Variants in ADGRG7 observed in about 807,000 individuals in gnomAD.
ADGRG7 encodes the protein G-protein coupled receptor 128.
Under a neutral mutation model 88.6 loss-of-function variants are expected in ADGRG7, and 82 were observed. The observed-to-expected ratio is 0.93, with a 90% CI of 0.77 to 1.11. ADGRG7 has a LOEUF of 1.11. ADGRG7 is among the 50% of genes most tolerant of loss of function. The probability of loss-of-function intolerance (pLI) is 0.00; values close to 1 mark genes in which losing one functional copy is unlikely to be tolerated. For synonymous variants in ADGRG7, 381 were observed against 345.2 expected, an observed-to-expected ratio of 1.10 and a Z score of -1.15; for missense variants, 945 against 953.4, an observed-to-expected ratio of 0.99 and a Z score of 0.12.
At chr3:100,667,522 C>T (rs1446477014) in intron 14 of ADGRG7, among the ~76,000 whole-genome samples, 1 of 152,210 alleles carries the variant, frequency 6.6e-6, no homozygotes, top group Admixed American at 6.5e-5. Context: ...TTTTTTATGG[C>T]TGCATAGTAT....
At chr3:100,618,488 T>G (rs1254438497) in intron 1 of ADGRG7, among the ~76,000 whole-genome samples, 2 of 152,208 alleles carry the variant, frequency 1.3e-5, no homozygotes, top group Non-Finnish European at 2.9e-5. Flanking sequence ...TTTTCCCATT[T>G]CTTGTTTTTG....
rs531816069 is a variant in ADGRG7 at position 100,615,539 on chromosome 3, T to A, written c.115+5568T>A. Among the ~76,000 whole-genome samples the A allele has an allele frequency of 3.3e-5, 5 of 152,318 alleles. No individual in the cohort carries two copies. In the South Asian group the frequency reaches 1.0e-3, roughly 32 times the overall value. On this transcript the variant is annotated intron_variant, in intron 1 of 15. Transcript: ENST00000273352. ...TGTGTGTTGGGTACCTTCTATTCAA[T>A]GGCATTGTGCTAGGATTTGAAGATA... is the stretch of plus-strand genomic sequence containing the variant.
intron 5 of ADGRG7, among the ~76,000 whole-genome samples, chr3:100,636,154 A>AG (rs200607691): frequency 0.019 from 2,919 of 152,256 alleles, 42 homozygotes; most frequent in Non-Finnish European, 0.032. Context: ...TTCTGGATTC[A>AG]GGGGTTCAAG....
chr3:100,650,208 GT>G (rs2094926980), intron 11 of ADGRG7, among the ~76,000 whole-genome samples: 1 of 152,032 alleles, frequency 6.6e-6, no homozygotes, highest in African/African-American at 2.4e-5. Context: ...ATGGTGAAAC[GT>G]TTTTCAAAAA....
chr3:100,620,180 T>A (rs1707288112), intron 1 of ADGRG7, among the ~76,000 whole-genome samples: 1 of 152,120 alleles, frequency 6.6e-6, no homozygotes, highest in African/African-American at 2.4e-5. Flanking sequence ...GCAAACCGAA[T>A]CCAGCAGCAC....
chr3:100,655,868 C>A (rs1455138810), intron 12 of ADGRG7, 31 bp from the exon 13 acceptor site: 4 of 1,207,514 alleles, frequency 3.3e-6, no homozygotes, highest in South Asian at 1.3e-5. Context: ...CTGGATAAAT[C>A]ATTAATTATG....
At chr3:100,623,772 C>T (rs1707345030) in intron 1 of ADGRG7, among the ~76,000 whole-genome samples, 1 of 152,032 alleles carries the variant, frequency 6.6e-6, no homozygotes, top group Non-Finnish European at 1.5e-5. Flanking sequence ...CATTGTTCAA[C>T]TTCCACATAT....
At chr3:100,631,028 T>A (rs935683596) in intron 3 of ADGRG7, among the ~76,000 whole-genome samples, 1 of 152,172 alleles carries the variant, frequency 6.6e-6, no homozygotes, top group Admixed American at 6.6e-5. Flanking sequence ...TGTTTGTGAA[T>A]TTCTCTGAAT....
At chr3:100,653,788 T>C (rs541492838) in intron 11 of ADGRG7, among the ~76,000 whole-genome samples, 4 of 151,872 alleles carry the variant, frequency 2.6e-5, no homozygotes, top group African/African-American at 4.8e-5. Context: ...AGGACTTTCA[T>C]GCAATTTTTT....
chr3:100,691,018 C>G (rs551148751), intron 15 of ADGRG7, among the ~76,000 whole-genome samples: 1 of 152,222 alleles, frequency 6.6e-6, no homozygotes, highest in African/African-American at 2.4e-5. Context: ...CCACCTAGTT[C>G]GAGCTTCCCG....
In ADGRG7 at chr3:100,643,333, G is replaced by A. The variant is rs766478554; in HGVS notation, c.766G>A (p.Ala256Thr). The change falls in exon 7 of 16, where the codon GCA becomes ACA. Residue 256 changes from alanine (A) to threonine (T), a missense_variant. By Grantham distance (58) the Ala-to-Thr change is moderately conservative. Coordinates refer to ENST00000273352, the MANE Select transcript of ADGRG7 (RefSeq NM_032787.3). ...GNQSVVEPNI[A>T]IQSANFSSEN... ...TCAATCAGTGGTGGAACCTAACATA[G>A]CAATACAGTCAGCAAATTTCTCTTC... The A allele has an allele frequency of 1.2e-6, 2 of 1,614,030 alleles. No individual in the cohort carries two copies. Among genetic ancestry groups the A allele is most frequent in the Non-Finnish European group, 1.7e-6 (2 of 1,179,906 alleles).
In ADGRG7 at chr3:100,673,087, G is replaced by A. The variant is rs114766684; in HGVS notation, c.2136+3982G>A. ...ATGTTGGCCTCCTAAAATGAGTTACGGAGAATTCTCTCTCTTTCAATTGTT... is the reference window on the plus strand; with the variant it reads ...ATGTTGGCCTCCTAAAATGAGTTACAGAGAATTCTCTCTCTTTCAATTGTT... On this transcript the variant is annotated intron_variant, in intron 15 of 15. Transcript: ENST00000273352. 7.3e-3 allele frequency among the ~76,000 whole-genome samples: 1,117 copies of A among 152,170 alleles called. 16 individuals are homozygous for A. The highest frequency in any genetic ancestry group is 0.025 in the African/African-American group (1,055 of 41,478).
At chr3:100,640,403 A>G (rs1323753822) in intron 6 of ADGRG7, among the ~76,000 whole-genome samples, 1 of 152,178 alleles carries the variant, frequency 6.6e-6, no homozygotes, top group African/African-American at 2.4e-5. Flanking sequence ...AAGGGAGGAG[A>G]GTGACAGAGA....
At chr3:100,655,280 A>G in intron 12 of ADGRG7, 99 bp downstream of exon 12, 1 of 783,316 alleles carries the variant, frequency 1.3e-6, no homozygotes, top group Non-Finnish European at 2.0e-6. Flanking sequence ...GCCTTGACGT[A>G]ATTAAGAGGA....
chr3:100,659,694 G>C lies in ADGRG7; in HGVS notation c.1830G>C (p.Trp610Cys), dbSNP rs781090080. 5.7e-5 allele frequency: 92 copies of C among 1,612,594 alleles called. No individual in the cohort carries two copies. The highest frequency in any genetic ancestry group is 7.0e-5 in the Non-Finnish European group (83 of 1,179,550). The change falls in exon 14 of 16, where the codon TGG becomes TGC. Residue 610 changes from tryptophan (W) to cysteine (C), a missense_variant. Physicochemically the swap from Trp to Cys is radical, Grantham distance 215. Coordinates refer to ENST00000273352, the MANE Select transcript of ADGRG7 (RefSeq NM_032787.3). ...ELDYRQEKIC[W>C]LAIPEPNGVI... ...TTTTTTTTTTCCTCCACAGCTGCTG[G>C]CTGGCAATTCCAGAACCCAATGGTG...
At chr3:100,654,083 G>A (rs898580102) in intron 11 of ADGRG7, 15 of 152,112 alleles carry the variant, frequency 9.9e-5, no homozygotes, top group African/African-American at 3.6e-4. Flanking sequence ...TACCTCCTCG[G>A]AAGAGGAGAG....
chr3:100,617,687 G>A (rs1707245444), intron 1 of ADGRG7, among the ~76,000 whole-genome samples: 1 of 152,136 alleles, frequency 6.6e-6, no homozygotes, highest in Non-Finnish European at 1.5e-5. Context: ...GTGTGCATGT[G>A]TCTTTATAGC....
At chr3:100,665,609 A>T in intron 14 of ADGRG7, 1 of 354,176 alleles carries the variant, frequency 2.8e-6, no homozygotes, top group South Asian at 2.3e-5. Context: ...TCATATTAAG[A>T]AGAAATATGG....
intron 1 of ADGRG7, among the ~76,000 whole-genome samples, chr3:100,617,664 G>A (rs552797824): frequency 8.7e-4 from 132 of 152,010 alleles, no homozygotes; most frequent in African/African-American, 1.1e-3. Context: ...GAATAGTGCC[G>A]CAATAAACAT....
Sources: gnomAD v4.1 joint callset for allele counts (sites outside exome capture counted in the v4.1 genomes callset) on GRCh38, gnomAD v4.1.1 for gene constraint, MANE v1.5 for transcripts, NCBI Gene and HGNC (gene_info 2026-07-23, HGNC 2026-07-21) for gene names.